The following FRMD4A variants were observed in gnomAD, a reference collection of about 807,000 sequenced individuals.
FRMD4A encodes the protein FERM domain-containing protein 4A.
In FRMD4A, 29 loss-of-function variants were observed where a neutral mutation model predicts 129.1. That is an observed-to-expected ratio of 0.22 (90% CI 0.17 to 0.31). The LOEUF is 0.31. Ranked by LOEUF, FRMD4A falls within the 10% of genes least tolerant of loss-of-function variation. FRMD4A has a pLI of 1.00. For synonymous variants in FRMD4A, 634 were observed against 571.6 expected (o/e 1.11, Z -1.56); for missense variants, 1,272 against 1,375.8 (o/e 0.92, Z 1.19).
chr10:13,977,580 A>T (rs949801758), intron 2 of FRMD4A, among the ~76,000 whole-genome samples: 1 of 152,264 alleles, frequency 6.6e-6, no homozygotes, highest in African/African-American at 2.4e-5. Context: ...ATAGGATTCT[A>T]CAACCATTGC....
At chr10:13,908,315 C>T (rs2094905097) in intron 2 of FRMD4A, among the ~76,000 whole-genome samples, 1 of 152,046 alleles carries the variant, frequency 6.6e-6, no homozygotes, top group Admixed American at 6.5e-5. Context: ...TTTTCCTTCC[C>T]TCCCCATTCC....
At chr10:13,831,081 T>G (rs1272166984) in intron 3 of FRMD4A, among the ~76,000 whole-genome samples, 5 of 152,226 alleles carry the variant, frequency 3.3e-5, no homozygotes, top group Admixed American at 6.5e-5. Context: ...TGAGCCACCA[T>G]GCCTGGCCAA....
chr10:14,107,626 G>A (rs897604118), intron 2 of FRMD4A, among the ~76,000 whole-genome samples: 1 of 151,988 alleles, frequency 6.6e-6, no homozygotes, highest in Non-Finnish European at 1.5e-5. Context: ...TTTGTGATTG[G>A]TGAACTTTGC....
chr10:13,757,759 T>G, intron 8 of FRMD4A, among the ~76,000 whole-genome samples: 1 of 152,222 alleles, frequency 6.6e-6, no homozygotes, highest in East Asian at 1.9e-4. Flanking sequence ...TTTTTTTTAT[T>G]TGAGAGGGAG....
chr10:13,900,474 G>A (rs535506993), intron 2 of FRMD4A, among the ~76,000 whole-genome samples: 9 of 152,288 alleles, frequency 5.9e-5, no homozygotes, highest in Non-Finnish European at 1.2e-4. Context: ...GTACCTTGGA[G>A]CCCCTGGGAG....
rs1467558320 is a variant in FRMD4A, at chr10:13,644,921, A to G, written c.*2117T>C. On this transcript the variant is annotated 3_prime_UTR_variant, in exon 25 of 25. Transcript: ENST00000357447. ...CGGTATCTCTTTATCCTGCAGGTGT[A>G]CACTTAAAGCGTTCTGGGAATATGA... 1 of 152,252 alleles carries G rather than the reference A, an allele frequency of 6.6e-6. No individual in the cohort carries two copies. Among genetic ancestry groups the G allele is most frequent in the Non-Finnish European group, 1.5e-5 (1 of 68,044 alleles). 9.4% of individuals were successfully genotyped at this position (152,252 alleles called of 1,614,324 possible).
intron 2 of FRMD4A, among the ~76,000 whole-genome samples, chr10:14,166,695 C>A (rs976795304): frequency 6.6e-6 from 1 of 152,164 alleles, no homozygotes; most frequent in African/African-American, 2.4e-5. Context: ...ACCCAAAGAA[C>A]AGGATAGGAA....
chr10:14,035,104 C>A (rs1833434218), intron 2 of FRMD4A, among the ~76,000 whole-genome samples: 2 of 152,116 alleles, frequency 1.3e-5, no homozygotes, highest in African/African-American at 2.4e-5. Context: ...ATCTTATATG[C>A]TACGTTAGGG....
intron 2 of FRMD4A, chr10:14,087,514 G>A (rs1244933500): frequency 1.3e-5 from 2 of 152,022 alleles, no homozygotes; most frequent in African/African-American, 4.8e-5. Context: ...TTTTTCTCAA[G>A]CGCTTCCACA....
At chr10:14,313,226 G>A (rs1395453980) in intron 2 of FRMD4A, among the ~76,000 whole-genome samples, 1 of 151,868 alleles carries the variant, frequency 6.6e-6, no homozygotes, top group African/African-American at 2.4e-5. Context: ...AACCAGGTGT[G>A]GTGGTACATG....
intron 2 of FRMD4A, among the ~76,000 whole-genome samples, chr10:13,880,517 G>A (rs1049691410): frequency 6.6e-6 from 1 of 152,140 alleles, no homozygotes. Flanking sequence ...TGGCCTCCGT[G>A]GGACCAGGGG....
chr10:13,891,693 G>C (rs1296313183), intron 2 of FRMD4A: 1 of 985,108 alleles, frequency 1.0e-6, no homozygotes, highest in Non-Finnish European at 1.2e-6. Context: ...CCCGGAACGG[G>C]CGTCCCATTC....
At position 13,796,905 on chromosome 10, in the gene FRMD4A, A is replaced by G. The variant is rs2130827090; in HGVS notation, c.207-317T>C. 1.3e-5 allele frequency among the ~76,000 whole-genome samples: 2 copies of G among 152,160 alleles called. 1 individual carries two copies. Among genetic ancestry groups the G allele is most frequent in the East Asian group, 3.9e-4 (2 of 5,166 alleles). On this transcript the variant is annotated intron_variant, in intron 4 of 24. Coordinates refer to ENST00000357447, the MANE Select transcript of FRMD4A (RefSeq NM_018027.5). Reference sequence around the variant, plus strand: ...CGGCTAATTTTTGTATTTTTGGTAGAGACGGGGTTTCACCATGTTGGTCAG... The same window carrying G: ...CGGCTAATTTTTGTATTTTTGGTAGGGACGGGGTTTCACCATGTTGGTCAG...
At position 13,694,048 on chromosome 10, in the gene FRMD4A, G is replaced by A; in HGVS notation, c.976-9C>T. ...GCTGCATGGATTTTGGACTGGAATG[G>A]AAAGGGAAGCAGGTCAAAGAAGTGA... On this transcript the variant is annotated splice_polypyrimidine_tract_variant and intron_variant, in intron 14 of 24. Transcript: ENST00000357447. The A allele has an allele frequency of 6.6e-7, 1 of 1,505,212 alleles. No homozygotes were observed. The highest frequency in any genetic ancestry group is 8.9e-7 in the Non-Finnish European group (1 of 1,128,636). 93.2% of individuals were successfully genotyped at this position (1,505,212 alleles called of 1,614,324 possible). A position where few individuals can be genotyped will look rare whatever the true frequency, so the allele number is the denominator to read the frequency against.
chr10:13,679,475 A>ATATATACACT, intron 15 of FRMD4A, among the ~76,000 whole-genome samples: 1 of 23,026 alleles, frequency 4.3e-5, no homozygotes, highest in Non-Finnish European at 7.5e-5. Context: ...ATATATATAT[A>ATATATACACT]CACACACACA....
At position 13,979,266 on chromosome 10, in the gene FRMD4A, G is replaced by A. The variant is rs373560358; in HGVS notation, c.46-120354C>T. 2.6e-5 allele frequency among the ~76,000 whole-genome samples: 4 copies of A among 152,220 alleles called. No homozygotes were observed. In the East Asian group the frequency reaches 5.8e-4, roughly 22 times the overall value. On this transcript the variant is annotated intron_variant, in intron 2 of 24. Coordinates refer to ENST00000357447, the MANE Select transcript of FRMD4A (RefSeq NM_018027.5). ...TCTGGGGCCTGGTGGGAGTGAAGTT[G>A]TAAAGTGGGGGTCCTGCTCATAAGA...
intron 2 of FRMD4A, among the ~76,000 whole-genome samples, chr10:13,899,889 T>C (rs2094799952): frequency 6.6e-6 from 1 of 152,220 alleles, no homozygotes; most frequent in Non-Finnish European, 1.5e-5. Flanking sequence ...CACCTGGGAA[T>C]TGATAGGCTC....
chr10:13,693,793 G>T, intron 15 of FRMD4A, 105 bp downstream of exon 15: 1 of 1,209,010 alleles, frequency 8.3e-7, no homozygotes. Flanking sequence ...CTTTGGAGCA[G>T]CTTGCCCTGC....
chr10:14,131,479 G>T (rs1042748496), intron 2 of FRMD4A, among the ~76,000 whole-genome samples: 2 of 150,970 alleles, frequency 1.3e-5, no homozygotes, highest in Non-Finnish European at 2.9e-5. Flanking sequence ...CCAGTTACGT[G>T]TGACTGTTCT....
Sources: gnomAD v4.1 joint callset for allele counts (sites outside exome capture counted in the v4.1 genomes callset) on GRCh38, gnomAD v4.1.1 for gene constraint, MANE v1.5 for transcripts, NCBI Gene and HGNC (gene_info 2026-07-23, HGNC 2026-07-21) for gene names.